RNF150: variants seen among roughly 807,000 people sequenced by gnomAD.
The protein encoded by RNF150 is ring finger protein 150.
In RNF150, 24 loss-of-function variants were observed where a neutral mutation model predicts 39.3. The observed-to-expected ratio is 0.61, with a 90% CI of 0.44 to 0.86. RNF150 has a LOEUF of 0.86. RNF150 is among the 40% of genes least tolerant of loss of function. The probability of loss-of-function intolerance (pLI) is 0.00; values close to 1 mark genes in which losing one functional copy is unlikely to be tolerated. For missense variants in RNF150, 502 were observed against 587.8 expected (o/e 0.85, Z 1.51); for synonymous variants, 255 against 227.3 (o/e 1.12, Z -1.10).
At chr4:141,205,135 T>C (rs1728353758) in intron 1 of RNF150, among the ~76,000 whole-genome samples, 1 of 152,320 alleles carries the variant, frequency 6.6e-6, no homozygotes, top group Non-Finnish European at 1.5e-5. Flanking sequence ...ATAACTAGAA[T>C]TAAAATTCAC....
chr4:141,148,500 A>G (rs926015356), intron 1 of RNF150, among the ~76,000 whole-genome samples: 10 of 151,970 alleles, frequency 6.6e-5, no homozygotes, highest in African/African-American at 1.7e-4. Flanking sequence ...CTGGAGTGCA[A>G]TGGTGCCATC....
At chr4:141,131,486 AC>A (rs1411275826) in intron 1 of RNF150, among the ~76,000 whole-genome samples, 1 of 152,174 alleles carries the variant, frequency 6.6e-6, no homozygotes, top group Non-Finnish European at 1.5e-5. Context: ...GGGTGTTCCT[AC>A]CACCAGGGAA....
At chr4:141,178,679 AGCTTGAAATGG>A (rs1477973814) in intron 1 of RNF150, among the ~76,000 whole-genome samples, 3 of 152,116 alleles carry the variant, frequency 2.0e-5, no homozygotes, top group Non-Finnish European at 2.9e-5. Flanking sequence ...GACACAGCCA[AGCTTGAAATGG>A]TGCTGACAAG....
At position 141,133,138 on chromosome 4, in the gene RNF150, A is replaced by C; in HGVS notation, c.-330T>G. 4 of 281,836 alleles carry C rather than the reference A, an allele frequency of 1.4e-5. No homozygotes were observed. The highest frequency in any genetic ancestry group is 1.2e-4 in the East Asian group (1 of 8,476). 17.5% of individuals were successfully genotyped at this position (281,836 alleles called of 1,614,324 possible). A position where few individuals can be genotyped will look rare whatever the true frequency, so the allele number is the denominator to read the frequency against. On this transcript the variant is annotated 5_prime_UTR_variant, in exon 1 of 7. It removes an upstream start codon present in the reference 5' UTR. Coordinates refer to ENST00000515673, the MANE Select transcript of RNF150 (RefSeq NM_020724.2). ...CCTTCGCCCGGCTTCGCCTTCTCTC[A>C]TAAGGGTGGCCGGGGGCCCACGAAC...
intron 6 of RNF150, among the ~76,000 whole-genome samples, chr4:140,896,336 A>G (rs13116338): frequency 0.38 from 2,965 of 7,832 alleles, 497 homozygotes; most frequent in Non-Finnish European, 0.42. Flanking sequence ...GCACATATAC[A>G]CCATGGAATA....
intron 5 of RNF150, among the ~76,000 whole-genome samples, chr4:140,919,300 C>G (rs1270647002): frequency 7.0e-6 from 1 of 143,690 alleles, no homozygotes; most frequent in Admixed American, 7.2e-5. Context: ...CTGTCTCAGC[C>G]CAAAATCTCC....
intron 5 of RNF150, among the ~76,000 whole-genome samples, chr4:140,913,923 C>T (rs1466560249): frequency 6.6e-6 from 1 of 152,150 alleles, no homozygotes; most frequent in Non-Finnish European, 1.5e-5. Flanking sequence ...ATATGCTATA[C>T]ACAGGTGTTT....
chr4:141,116,238 A>C (rs1739546157), intron 1 of RNF150, among the ~76,000 whole-genome samples: 1 of 152,218 alleles, frequency 6.6e-6, no homozygotes, highest in Admixed American at 6.5e-5. Context: ...TTTGCAATCT[A>C]TCCATATGAC....
chr4:140,959,912 C>A (rs1732948202), intron 2 of RNF150, among the ~76,000 whole-genome samples: 1 of 152,122 alleles, frequency 6.6e-6, no homozygotes, highest in South Asian at 2.1e-4. Flanking sequence ...AGCGCTTCTG[C>A]AATACCCTCT....
intron 1 of RNF150, among the ~76,000 whole-genome samples, chr4:141,058,702 A>G (rs1737091597): frequency 6.6e-6 from 1 of 152,190 alleles, no homozygotes; most frequent in African/African-American, 2.4e-5. Context: ...AAGGATTGTT[A>G]TGAGTATTAA....
intron 1 of RNF150, among the ~76,000 whole-genome samples, chr4:141,126,178 A>G (rs1459968996): frequency 1.3e-5 from 2 of 152,180 alleles, no homozygotes; most frequent in African/African-American, 2.4e-5. Flanking sequence ...CATAAATGAT[A>G]GCCAGACTGC....
chr4:140,957,972 A>G (rs1459155167), intron 2 of RNF150, among the ~76,000 whole-genome samples: 2 of 151,970 alleles, frequency 1.3e-5, no homozygotes, highest in African/African-American at 4.8e-5. Context: ...GTAGCGCACC[A>G]GCATGGCACA....
chr4:141,056,516 C>T (rs1736978753), intron 1 of RNF150, among the ~76,000 whole-genome samples: 1 of 152,082 alleles, frequency 6.6e-6, no homozygotes, highest in African/African-American at 2.4e-5. Context: ...CACTGACAGT[C>T]TTTGCTGGAT....
intron 3 of RNF150, among the ~76,000 whole-genome samples, chr4:140,949,010 T>C (rs561777948): frequency 2.0e-5 from 3 of 152,362 alleles, no homozygotes; most frequent in Admixed American, 6.5e-5. Flanking sequence ...CCATTTCTAG[T>C]ACAAATTTTA....
At chr4:141,203,953 A>G (rs536537723) in intron 1 of RNF150, among the ~76,000 whole-genome samples, 1 of 152,242 alleles carries the variant, frequency 6.6e-6, no homozygotes, top group East Asian at 1.9e-4. Context: ...GACCCAGCAG[A>G]AGGTCAGGTG....
Position 140,999,943 on chromosome 4 carries a change from AAG to A in RNF150, c.485-32072_485-32071del, listed in dbSNP as rs1491116342. ...ACAGAGTGAGACTTGGTCTCAAAAA[AAG>A]AAGAAGAAGAAGAAGAAGAAGAAGA... On this transcript the variant is annotated intron_variant, in intron 1 of 6. Transcript: ENST00000515673. Among the ~76,000 whole-genome samples, 71 of 24,796 alleles carry A rather than the reference AAG, an allele frequency of 2.9e-3. 5 individuals carry two copies. Among genetic ancestry groups the A allele is most frequent in the South Asian group, 6.9e-3 (2 of 290 alleles). The allele number at this position is 24,796 out of a possible 152,430, so 16.3% of individuals were successfully genotyped here.
chr4:141,125,735 G>A (rs983069520), intron 1 of RNF150, among the ~76,000 whole-genome samples: 2 of 152,102 alleles, frequency 1.3e-5, no homozygotes, highest in African/African-American at 4.8e-5. Flanking sequence ...TAAATAAGAA[G>A]CTCCAGGTTC....
intron 1 of RNF150, among the ~76,000 whole-genome samples, chr4:141,189,095 C>T (rs181563561): frequency 3.9e-5 from 6 of 152,252 alleles, no homozygotes; most frequent in Non-Finnish European, 7.3e-5. Context: ...GATGTTGATG[C>T]TATTGCTTTC....
intron 1 of RNF150, among the ~76,000 whole-genome samples, chr4:141,201,209 G>T (rs1449475521): frequency 6.6e-6 from 1 of 151,802 alleles, no homozygotes; most frequent in Non-Finnish European, 1.5e-5. Flanking sequence ...CTTATATCTG[G>T]ATGCATTCTG....
Sources: allele counts gnomAD v4.1 joint callset (sites outside exome capture counted in the v4.1 genomes callset), GRCh38; gene constraint gnomAD v4.1.1; transcripts MANE v1.5; gene names NCBI Gene and HGNC (gene_info 2026-07-23, HGNC 2026-07-21).